PRKAR1A: variants seen among roughly 807,000 people sequenced by gnomAD.
PRKAR1A encodes protein kinase cAMP-dependent type I regulatory subunit alpha, also known as cAMP-dependent protein kinase type I-alpha regulatory subunit.
In PRKAR1A, 3 loss-of-function variants were observed where a neutral mutation model predicts 52.0. The observed-to-expected ratio is 0.06, with a 90% CI of 0.03 to 0.15. The LOEUF is 0.15. Ranked by LOEUF, PRKAR1A falls within the 10% of genes least tolerant of loss-of-function variation. The pLI is 1.00. For missense variants in PRKAR1A, 240 were observed against 477.4 expected, an observed-to-expected ratio of 0.50 and a Z score of 4.63; for synonymous variants, 188 against 168.4, an observed-to-expected ratio of 1.12 and a Z score of -0.90.
At chr17:68,448,154 CT>C in the PRKAR1A span, among the ~76,000 whole-genome samples, 4 of 152,124 alleles carry the variant, frequency 2.6e-5, no homozygotes, top group African/African-American at 9.7e-5. Context: ...CCCCTTGGGC[CT>C]TTATCATTTC....
At chr17:68,444,151 G>A in the PRKAR1A span, among the ~76,000 whole-genome samples, 4 of 152,102 alleles carry the variant, frequency 2.6e-5, no homozygotes, top group South Asian at 2.1e-4. Flanking sequence ...TGTACTGAAC[G>A]AACCACAAAA....
the PRKAR1A span, chr17:68,426,179 GA>G: frequency 6.5e-7 from 1 of 1,530,196 alleles, no homozygotes; most frequent in Non-Finnish European, 8.8e-7. Context: ...GAATAACCTG[GA>G]AACCAAGAAA....
At chr17:68,484,241 G>A in the PRKAR1A span, among the ~76,000 whole-genome samples, 7 of 152,286 alleles carry the variant, frequency 4.6e-5, no homozygotes, top group African/African-American at 1.7e-4. Context: ...CATTTATTTA[G>A]GTCTTTAAAA....
At chr17:68,499,615 T>G in the PRKAR1A span, among the ~76,000 whole-genome samples, 1 of 152,264 alleles carries the variant, frequency 6.6e-6, no homozygotes, top group Non-Finnish European at 1.5e-5. Flanking sequence ...GTAAAATGTT[T>G]ATTTCAAGGT....
At chr17:68,442,351 G>C in the PRKAR1A span, among the ~76,000 whole-genome samples, 4 of 151,848 alleles carry the variant, frequency 2.6e-5, no homozygotes, top group South Asian at 8.3e-4. Context: ...TGTAGTCCCA[G>C]CTACTCAGGA....
the PRKAR1A span, among the ~76,000 whole-genome samples, chr17:68,458,362 ACTAAATAACTGCT>A: frequency 6.6e-6 from 1 of 152,250 alleles, no homozygotes. Context: ...AGACCTGTGC[ACTAAATAACTGCT>A]AAACAGTAAT....
the PRKAR1A span, chr17:68,429,082 G>T: frequency 6.4e-6 from 4 of 628,798 alleles, no homozygotes; most frequent in East Asian, 1.1e-4. Flanking sequence ...TGGGCTTCTG[G>T]CTATTCCTTT....
intron 7 of PRKAR1A, among the ~76,000 whole-genome samples, chr17:68,526,509 C>T (rs1323417908): frequency 1.3e-5 from 2 of 152,150 alleles, no homozygotes; most frequent in African/African-American, 4.8e-5. Flanking sequence ...TAAATTTGTG[C>T]AGTGTCCATC....
At chr17:68,478,492 C>T in the PRKAR1A span, among the ~76,000 whole-genome samples, 3 of 152,142 alleles carry the variant, frequency 2.0e-5, no homozygotes, top group Non-Finnish European at 2.9e-5. Flanking sequence ...CCAAAAAACC[C>T]ATTTTTCTCT....
At chr17:68,446,754 T>A in the PRKAR1A span, among the ~76,000 whole-genome samples, 3 of 152,204 alleles carry the variant, frequency 2.0e-5, no homozygotes, top group Admixed American at 2.0e-4. Context: ...CCTTGACATA[T>A]GCCTCTCCTA....
chr17:68,426,300 C>G, the PRKAR1A span: 1 of 742,676 alleles, frequency 1.3e-6, no homozygotes, highest in Non-Finnish European at 2.3e-6. Context: ...TGTCTTCCCC[C>G]TGGAGGTACT....
chr17:68,502,107 C>T, the PRKAR1A span, among the ~76,000 whole-genome samples: 1 of 152,194 alleles, frequency 6.6e-6, no homozygotes, highest in South Asian at 2.1e-4. Flanking sequence ...GAGAAGTGTT[C>T]AGGCTCCAGA....
chr17:68,461,211 AC>A, the PRKAR1A span, among the ~76,000 whole-genome samples: 1 of 152,178 alleles, frequency 6.6e-6, no homozygotes, highest in Non-Finnish European at 1.5e-5. This position sits in a 1 kb window ranked among gnomAD's most constrained non-coding sequence, Gnocchi z 4.6. Flanking sequence ...AAACAAACAA[AC>A]AAAAAACTCC....
At chr17:68,508,676 G>C (rs147125480), upstream of PRKAR1A, among the ~76,000 whole-genome samples, 159 of 152,302 alleles carry the variant, frequency 1.0e-3, no homozygotes, top group Non-Finnish European at 1.1e-3. Flanking sequence ...TAAAATAAAA[G>C]TTGAATGAAT....
upstream of PRKAR1A, among the ~76,000 whole-genome samples, chr17:68,507,041 A>G (rs1443353344): frequency 6.6e-6 from 1 of 152,214 alleles, no homozygotes; most frequent in South Asian, 2.1e-4. Context: ...AAAGGGAACC[A>G]TGACCAGCCT....
At position 68,524,867 on chromosome 17, in the gene PRKAR1A, T is replaced by C. The variant is rs768425695; in HGVS notation, c.503-45T>C. 16 of 1,436,858 alleles carry C rather than the reference T, an allele frequency of 1.1e-5. No homozygotes were observed. In the South Asian group the frequency reaches 1.7e-4, roughly 15 times the overall value. The allele number at this position is 1,436,858 out of a possible 1,614,324, so 89.0% of individuals were successfully genotyped here. A position where few individuals can be genotyped will look rare whatever the true frequency, so the allele number is the denominator to read the frequency against. ...TTTTGTAATAATTTTGATAATTTCT[T>C]TCTTTAATTTGGAATATGCTTCTAA... On this transcript the variant is annotated intron_variant, in intron 5 of 10. Transcript: ENST00000589228.
the PRKAR1A span, chr17:68,433,351 C>G: frequency 3.0e-6 from 3 of 999,906 alleles, no homozygotes; most frequent in African/African-American, 3.2e-5. Context: ...TAGGTGAAGT[C>G]CCAAGTGAAG....
At chr17:68,537,261 G>GA (rs1247751628), downstream of PRKAR1A, 5 of 713,916 alleles carry the variant, frequency 7.0e-6, no homozygotes, top group Non-Finnish European at 1.2e-5. The surrounding 1 kb of genome is among the most constrained non-coding windows in gnomAD (Gnocchi z 4.2). Flanking sequence ...TGCTTTTTGG[G>GA]AAAAACGGAG....
At chr17:68,450,905 G>T in the PRKAR1A span, 1 of 1,609,882 alleles carries the variant, frequency 6.2e-7, no homozygotes, top group African/African-American at 1.3e-5. Flanking sequence ...CATCTGGGAG[G>T]AAAAGCAGCC....
Sources: gnomAD v4.1 joint callset for allele counts (sites outside exome capture counted in the v4.1 genomes callset) on GRCh38, gnomAD v4.1.1 for gene constraint, Gnocchi (gnomAD v3.1) non-coding constraint, MANE v1.5 for transcripts, NCBI Gene and HGNC (gene_info 2026-07-23, HGNC 2026-07-21) for gene names.